Variants in DMD observed in about 807,000 individuals in gnomAD.
DMD encodes the protein dystrophin, also known as mutant dystrophin.
In DMD, 63 loss-of-function variants were observed where a neutral mutation model predicts 330.1. That is an observed-to-expected ratio of 0.19 (90% CI 0.16 to 0.24). DMD has a LOEUF of 0.24. Ranked by LOEUF, DMD falls within the 10% of genes least tolerant of loss-of-function variation. DMD has a pLI of 1.00. For synonymous variants in DMD, 1,223 were observed against 959.8 expected, an observed-to-expected ratio of 1.27 and a Z score of -5.07; for missense variants, 3,344 against 2,684.1, an observed-to-expected ratio of 1.25 and a Z score of -5.43.
intron 50 of DMD, among the ~76,000 whole-genome samples, chrX:31,814,821 T>C (rs2092576670): frequency 8.9e-6 from 1 of 111,950 alleles, no homozygotes; most frequent in Non-Finnish European, 1.9e-5. Context: ...TAAATGATTG[T>C]GAAAGTCTCT....
At chrX:33,045,606 G>C (rs1319316890) in intron 1 of DMD, among the ~76,000 whole-genome samples, 3 of 110,205 alleles carry the variant, frequency 2.7e-5, no homozygotes, top group Admixed American at 9.6e-5. Context: ...GGGAAGTTGA[G>C]AGAGTTACAG....
intron 2 of DMD, among the ~76,000 whole-genome samples, chrX:32,939,963 C>G (rs1269196781): frequency 9.0e-6 from 1 of 111,320 alleles, no homozygotes; most frequent in East Asian, 2.8e-4. Flanking sequence ...CCAAAGCAAT[C>G]TACGAATTAA....
intron 2 of DMD, among the ~76,000 whole-genome samples, chrX:32,940,066 G>T (rs1315506849): frequency 9.0e-6 from 1 of 111,449 alleles, no homozygotes; most frequent in Admixed American, 9.6e-5. Flanking sequence ...GAGCCCAAAA[G>T]TAATCCTAAG....
chrX:31,580,475 C>T (rs1221709535), intron 55 of DMD, among the ~76,000 whole-genome samples: 1 of 111,612 alleles, frequency 9.0e-6, no homozygotes, highest in African/African-American at 3.3e-5. Flanking sequence ...CCCAAGGGAG[C>T]CCAGTCAGAG....
intron 2 of DMD, among the ~76,000 whole-genome samples, chrX:32,941,929 T>C (rs2090448383): frequency 8.9e-6 from 1 of 111,977 alleles, no homozygotes. Flanking sequence ...TTACAACAAG[T>C]TTCTGGACTC....
At chrX:31,929,792 T>C in intron 46 of DMD, 47 bp from the exon 47 acceptor site, 2 of 1,196,830 alleles carry the variant, frequency 1.7e-6, no homozygotes, top group African/African-American at 1.7e-5. Context: ...TACAGCACAA[T>C]TCCAACTACC....
intron 44 of DMD, among the ~76,000 whole-genome samples, chrX:31,971,198 T>A (rs756533159): frequency 4.5e-5 from 5 of 112,044 alleles, no homozygotes; most frequent in Non-Finnish European, 7.5e-5. Flanking sequence ...AAATGCCTTT[T>A]GAGTCTTTGT....
At chrX:31,749,976 C>G (rs1304308484) in intron 51 of DMD, among the ~76,000 whole-genome samples, 1 of 107,534 alleles carries the variant, frequency 9.3e-6, no homozygotes, top group African/African-American at 3.4e-5. Context: ...CCTTCGCCCA[C>G]TTTTGGATGG....
chrX:32,300,731 G>T (rs1207832531), intron 42 of DMD, among the ~76,000 whole-genome samples: 2 of 110,993 alleles, frequency 1.8e-5, no homozygotes, highest in Admixed American at 9.7e-5. Context: ...GGCATTCTAT[G>T]ATCCCAAATT....
chrX:31,648,418 A>T (rs2080227525), intron 54 of DMD, among the ~76,000 whole-genome samples: 1 of 108,442 alleles, frequency 9.2e-6, no homozygotes, highest in African/African-American at 3.3e-5. Flanking sequence ...CCACAAAAAC[A>T]CACAGTGGTG....
At chrX:32,167,607 G>T (rs1367240899) in intron 44 of DMD, among the ~76,000 whole-genome samples, 1 of 112,223 alleles carries the variant, frequency 8.9e-6, no homozygotes, top group Non-Finnish European at 1.9e-5. Context: ...ACACATCATC[G>T]TAAACCAACG....
At chrX:31,628,120 C>T (rs192155480) in intron 54 of DMD, among the ~76,000 whole-genome samples, 2 of 111,236 alleles carry the variant, frequency 1.8e-5, no homozygotes, top group African/African-American at 6.5e-5. Flanking sequence ...AACCCCTCTC[C>T]ACAGAGGAGG....
intron 29 of DMD, among the ~76,000 whole-genome samples, chrX:32,433,336 C>T (rs1178088777): frequency 5.4e-5 from 6 of 111,561 alleles, no homozygotes; most frequent in Non-Finnish European, 1.1e-4. Flanking sequence ...ATAGCTTTTT[C>T]CTAGGGCCTT....
At chrX:32,193,685 C>T (rs910378771) in intron 44 of DMD, among the ~76,000 whole-genome samples, 4 of 111,654 alleles carry the variant, frequency 3.6e-5, no homozygotes, top group Admixed American at 9.6e-5. Context: ...ATAGGCCCTT[C>T]GATTAATATT....
At chrX:32,617,409 T>C (rs998359915) in intron 11 of DMD, among the ~76,000 whole-genome samples, 1 of 111,404 alleles carries the variant, frequency 9.0e-6, no homozygotes, top group Admixed American at 9.6e-5. Context: ...AATAAATTAA[T>C]GCATTTGCAT....
intron 41 of DMD, among the ~76,000 whole-genome samples, chrX:32,336,030 GTTATATATAACGTGTATA>G (rs2097712217): frequency 2.1e-5 from 2 of 96,946 alleles, no homozygotes; most frequent in African/African-American, 3.7e-5. Flanking sequence ...TATATATAAC[GTTATATATAACGTGTATA>G]TATAACGTTA....
intron 50 of DMD, among the ~76,000 whole-genome samples, chrX:31,789,031 G>C (rs1449637716): frequency 9.0e-6 from 1 of 110,671 alleles, no homozygotes; most frequent in Non-Finnish European, 1.9e-5. Context: ...TAATCCATTT[G>C]GCCACTCTAT....
intron 1 of DMD, among the ~76,000 whole-genome samples, chrX:33,163,624 C>CTATCTATCTATCTATCTATGTATCTATG (rs1569557023): frequency 3.5e-4 from 29 of 82,827 alleles, no homozygotes; most frequent in African/African-American, 1.2e-3. Context: ...CTATCTCTAT[C>CTATCTATCTATCTATCTATGTATCTATG]TATCTATCTA....
chrX:31,319,749 C>A (rs889277340), intron 62 of DMD, among the ~76,000 whole-genome samples: 29 of 112,470 alleles, frequency 2.6e-4, no homozygotes, highest in African/African-American at 8.4e-4. Context: ...GAACATCCTG[C>A]ATGCATGTTT....
Sources: allele counts gnomAD v4.1 joint callset (sites outside exome capture counted in the v4.1 genomes callset), GRCh38; gene constraint gnomAD v4.1.1; transcripts MANE v1.5; gene names NCBI Gene and HGNC (gene_info 2026-07-23, HGNC 2026-07-21).